The following CCDC178 variants were observed in gnomAD, a reference collection of about 807,000 sequenced individuals.
CCDC178 encodes the protein coiled-coil domain containing 178, also known as coiled-coil domain-containing protein 178.
Under a neutral mutation model 117.4 loss-of-function variants are expected in CCDC178, and 126 were observed. The observed-to-expected ratio is 1.07, with a 90% CI of 0.93 to 1.24. CCDC178 has a LOEUF of 1.24. Ranked by LOEUF, CCDC178 falls within the 50% of genes most tolerant of loss-of-function variation. The probability of loss-of-function intolerance (pLI) is 0.00; values close to 1 mark genes in which losing one functional copy is unlikely to be tolerated. For missense variants in CCDC178, 1,030 were observed against 986.9 expected, an observed-to-expected ratio of 1.04 and a Z score of -0.59; for synonymous variants, 283 against 313.4, an observed-to-expected ratio of 0.90 and a Z score of 1.02.
At chr18:33,087,864 T>G (rs2057404749) in intron 21 of CCDC178, among the ~76,000 whole-genome samples, 1 of 152,174 alleles carries the variant, frequency 6.6e-6, no homozygotes, top group African/African-American at 2.4e-5. Context: ...AATTGTTTAT[T>G]GCTAGAACTG....
chr18:33,292,296 T>C (rs2060175999), intron 12 of CCDC178, among the ~76,000 whole-genome samples: 1 of 152,154 alleles, frequency 6.6e-6, no homozygotes, highest in Admixed American at 6.5e-5. Context: ...CAGGAGGGTA[T>C]TATGTCAAGT....
intron 22 of CCDC178, among the ~76,000 whole-genome samples, chr18:32,947,963 T>C (rs527483211): frequency 1.3e-5 from 2 of 152,166 alleles, no homozygotes; most frequent in Non-Finnish European, 2.9e-5. Context: ...AATTATTCTT[T>C]CTTCAATAAT....
intron 21 of CCDC178, among the ~76,000 whole-genome samples, chr18:33,065,027 GAA>G (rs34459126): frequency 0.057 from 7,160 of 125,164 alleles, 367 homozygotes; most frequent in African/African-American, 0.14. Flanking sequence ...TGTGGAATTG[GAA>G]AAAAAAAAAA....
At chr18:33,148,927 T>C (rs755499795) in intron 20 of CCDC178, among the ~76,000 whole-genome samples, 2 of 152,220 alleles carry the variant, frequency 1.3e-5, no homozygotes, top group Admixed American at 6.5e-5. Flanking sequence ...CCCCAACCCC[T>C]GCATGGGCTA....
In CCDC178 at chr18:33,221,658, T is replaced by C. The variant is rs139901962; in HGVS notation, c.1932+1448A>G. Among the ~76,000 whole-genome samples the C allele has an allele frequency of 7.9e-3, 1,207 of 152,226 alleles. 48 individuals are homozygous for C. The highest frequency in any genetic ancestry group is 0.068 in the Admixed American group (1,039 of 15,244). ...CTTCTTTTGTAAGCTGTGACTCCCATAGGGAATCACATAATTTAAAAACCT... is the reference window on the plus strand; with the variant it reads ...CTTCTTTTGTAAGCTGTGACTCCCACAGGGAATCACATAATTTAAAAACCT... On this transcript the variant is annotated intron_variant, in intron 18 of 22. Transcript: ENST00000383096.
At chr18:33,267,148 AT>A (rs2059828693) in intron 13 of CCDC178, 53 bp downstream of exon 13, 17 of 1,534,490 alleles carry the variant, frequency 1.1e-5, no homozygotes, top group Non-Finnish European at 1.5e-5. Context: ...ATGAGTTAAT[AT>A]TTGGAAATAG....
intron 21 of CCDC178, among the ~76,000 whole-genome samples, chr18:32,978,759 G>A (rs1417996466): frequency 6.6e-6 from 1 of 152,158 alleles, no homozygotes; most frequent in African/African-American, 2.4e-5. Flanking sequence ...AGAAAAGGCC[G>A]GGCACGGTGG....
chr18:33,249,521 G>A (rs1358032478), intron 14 of CCDC178, among the ~76,000 whole-genome samples: 1 of 152,076 alleles, frequency 6.6e-6, no homozygotes, highest in African/African-American at 2.4e-5. Flanking sequence ...TTACTAAATA[G>A]GGAATCCTTT....
chr18:33,246,180 C>T (rs2059546622), intron 14 of CCDC178, among the ~76,000 whole-genome samples: 1 of 151,860 alleles, frequency 6.6e-6, no homozygotes, highest in Non-Finnish European at 1.5e-5. Context: ...TTTTTAAGCA[C>T]TCCATTTGAT....
intron 21 of CCDC178, among the ~76,000 whole-genome samples, chr18:32,980,612 T>C (rs1190579606): frequency 2.5e-5 from 3 of 119,522 alleles, no homozygotes; most frequent in Non-Finnish European, 5.4e-5. Flanking sequence ...AAGTCAATAA[T>C]AAAAATAGAA....
intron 22 of CCDC178, among the ~76,000 whole-genome samples, chr18:32,945,942 A>G (rs1430217616): frequency 6.6e-6 from 1 of 152,160 alleles, no homozygotes; most frequent in Non-Finnish European, 1.5e-5. Flanking sequence ...ACTTTTACAT[A>G]GTCTGTGACT....
At chr18:33,065,716 G>C (rs2057001603) in intron 21 of CCDC178, among the ~76,000 whole-genome samples, 1 of 152,140 alleles carries the variant, frequency 6.6e-6, no homozygotes, top group Non-Finnish European at 1.5e-5. Context: ...ACACATAATG[G>C]AATCCCCATC....
In CCDC178 at chr18:33,126,621, G is replaced by A. The variant is rs540829696; in HGVS notation, c.2239-33711C>T. ...ATGAAAAGTTGGTCCTCCTGTATGC[G>A]TGGTTTTCATGTCTTGCAAGTACTG... On this transcript the variant is annotated intron_variant, in intron 20 of 22. Transcript: ENST00000383096. Among the ~76,000 whole-genome samples the A allele has an allele frequency of 6.6e-5, 10 of 151,744 alleles. No homozygotes were observed. The South Asian group carries it at 1.5e-3, about 22-fold the overall frequency.
intron 7 of CCDC178, among the ~76,000 whole-genome samples, chr18:33,351,148 ATGTGTG>A (rs143702049): frequency 4.6e-4 from 63 of 138,172 alleles, no homozygotes; most frequent in Non-Finnish European, 6.0e-4. Context: ...ACTGATCATG[ATGTGTG>A]TGTGTGTGTG....
intron 14 of CCDC178, among the ~76,000 whole-genome samples, chr18:33,256,333 T>TA (rs1387913239): frequency 1.3e-5 from 2 of 152,152 alleles, no homozygotes; most frequent in South Asian, 4.1e-4. Context: ...ATGGAAGTGA[T>TA]ACGAGTAAAA....
intron 22 of CCDC178, among the ~76,000 whole-genome samples, chr18:32,968,698 G>T (rs1465430966): frequency 6.6e-6 from 1 of 151,980 alleles, no homozygotes; most frequent in Non-Finnish European, 1.5e-5. Flanking sequence ...CATATAGAGT[G>T]AACCAGTAAT....
At chr18:33,068,943 TAAGAACTAATA>T (rs759677442) in intron 21 of CCDC178, among the ~76,000 whole-genome samples, 1 of 152,086 alleles carries the variant, frequency 6.6e-6, no homozygotes, top group Non-Finnish European at 1.5e-5. Context: ...CCAAAAACTC[TAAGAACTAATA>T]AATGAACTCA....
chr18:33,355,094 TTA>T (rs2144709712), intron 7 of CCDC178, among the ~76,000 whole-genome samples: 1 of 152,310 alleles, frequency 6.6e-6, no homozygotes, highest in South Asian at 2.1e-4. Context: ...TGAGAACAGT[TTA>T]TGTTAATTTA....
intron 21 of CCDC178, among the ~76,000 whole-genome samples, chr18:32,981,204 T>G (rs1446784203): frequency 2.0e-5 from 3 of 152,026 alleles, no homozygotes; most frequent in Non-Finnish European, 4.4e-5. Flanking sequence ...AATAAACACA[T>G]TAAAATTGCA....
Sources: gnomAD v4.1 joint callset for allele counts (sites outside exome capture counted in the v4.1 genomes callset) on GRCh38, gnomAD v4.1.1 for gene constraint, MANE v1.5 for transcripts, NCBI Gene and HGNC (gene_info 2026-07-23, HGNC 2026-07-21) for gene names.